Variants in SLC4A10 observed in about 807,000 individuals in gnomAD.
The protein encoded by SLC4A10 is solute carrier family 4 member 10.
SLC4A10 carries 42 observed loss-of-function variants against 137.7 expected under a neutral mutation model. That is an observed-to-expected ratio of 0.30 (90% CI 0.24 to 0.39). SLC4A10 has a LOEUF of 0.39. Among genes scored for constraint, SLC4A10 ranks in the 10% least tolerant of loss-of-function variants. The pLI, the probability that SLC4A10 is intolerant of heterozygous loss-of-function variation, is 1.00. For missense variants in SLC4A10, 925 were observed against 1,355.0 expected, an observed-to-expected ratio of 0.68 and a Z score of 4.98; for synonymous variants, 474 against 464.1, an observed-to-expected ratio of 1.02 and a Z score of -0.27.
At chr2:161,857,231 C>A (rs1371689765) in intron 5 of SLC4A10, among the ~76,000 whole-genome samples, 1 of 152,132 alleles carries the variant, frequency 6.6e-6, no homozygotes, top group Non-Finnish European at 1.5e-5. Flanking sequence ...TAAATCTAGC[C>A]TTTTCAAGCA....
At chr2:161,915,274 C>T (rs78948593) in intron 15 of SLC4A10, among the ~76,000 whole-genome samples, 7,980 of 152,132 alleles carry the variant, frequency 0.052, 316 homozygotes, top group African/African-American at 0.12. Context: ...TCTCCCCGTC[C>T]GCTAAGAGCT....
At chr2:161,789,896 A>G (rs969190088) in intron 2 of SLC4A10, among the ~76,000 whole-genome samples, 4 of 152,174 alleles carry the variant, frequency 2.6e-5, no homozygotes, top group Admixed American at 2.0e-4. Flanking sequence ...GACTGGATAT[A>G]AAGTTTAAAT....
intron 15 of SLC4A10, among the ~76,000 whole-genome samples, chr2:161,912,658 A>G (rs1401789099): frequency 6.6e-6 from 1 of 152,218 alleles, no homozygotes; most frequent in East Asian, 1.9e-4. Context: ...AGAAAAGGCT[A>G]CTACAAACCC....
rs554627361 is a variant in SLC4A10 at position 161,891,575 on chromosome 2, G to A, written c.1195-3104G>A. Among the ~76,000 whole-genome samples, 91 of 151,402 alleles carry A rather than the reference G, an allele frequency of 6.0e-4. 3 individuals are homozygous for A. In the South Asian group the frequency reaches 0.018, roughly 29 times the overall value. ...TTCACTCTCTAATATCCTTTCTTCC[G>A]CTTGATTGATTCAGCTATCAATACT... On this transcript the variant is annotated intron_variant, in intron 10 of 26. Transcript: ENST00000446997.
intron 1 of SLC4A10, among the ~76,000 whole-genome samples, chr2:161,687,886 C>G (rs1417001364): frequency 6.6e-6 from 1 of 152,120 alleles, no homozygotes; most frequent in African/African-American, 2.4e-5. Context: ...TGAGGCCTCC[C>G]CAGCCATGTG....
chr2:161,715,340 G>A (rs544783676), intron 1 of SLC4A10, among the ~76,000 whole-genome samples: 1 of 152,042 alleles, frequency 6.6e-6, no homozygotes, highest in East Asian at 1.9e-4. Context: ...GAAGAATTGT[G>A]ACTTTTATTT....
chr2:161,682,194 C>A (rs1480882970), intron 1 of SLC4A10, among the ~76,000 whole-genome samples: 1 of 151,930 alleles, frequency 6.6e-6, no homozygotes, highest in African/African-American at 2.4e-5. Flanking sequence ...ATTTTATATC[C>A]CCCTCTCGAA....
In SLC4A10 at chr2:161,895,164, T is replaced by G. The variant is rs1469818252; in HGVS notation, c.1341+339T>G. The stretch of plus-strand genomic sequence containing the variant: ...TATCTATGAGTGAGAACATGTGGTG[T>G]TTGGTTTTTTGCCCTTGCGATAGTT... On this transcript the variant is annotated intron_variant, in intron 11 of 26. Coordinates refer to ENST00000446997, the MANE Select transcript of SLC4A10 (RefSeq NM_001178015.2). 3.3e-5 allele frequency among the ~76,000 whole-genome samples: 5 copies of G among 151,266 alleles called. No homozygotes were observed. In the East Asian group the frequency reaches 9.8e-4, roughly 30 times the overall value.
chr2:161,836,697 G>C (rs2058841526), intron 3 of SLC4A10, among the ~76,000 whole-genome samples: 1 of 149,500 alleles, frequency 6.7e-6, no homozygotes, highest in Admixed American at 6.7e-5. Flanking sequence ...AGAAGCTCAG[G>C]GTTCCCACAG....
chr2:161,828,635 C>T (rs1180633809), intron 3 of SLC4A10, among the ~76,000 whole-genome samples: 1 of 145,978 alleles, frequency 6.9e-6, no homozygotes, highest in Non-Finnish European at 1.5e-5. Flanking sequence ...GGAATTTTTG[C>T]TTTTCTTCTC....
At chr2:161,922,256 T>C (rs1231985580) in intron 15 of SLC4A10, among the ~76,000 whole-genome samples, 2 of 152,122 alleles carry the variant, frequency 1.3e-5, no homozygotes, top group East Asian at 3.8e-4. Context: ...AAATTTTTAG[T>C]GTTAGCTAAT....
At chr2:161,741,071 A>C (rs1209584295) in intron 1 of SLC4A10, among the ~76,000 whole-genome samples, 2 of 152,040 alleles carry the variant, frequency 1.3e-5, no homozygotes, top group African/African-American at 2.4e-5. Flanking sequence ...CCAGGAGTTC[A>C]AGACCAGCCT....
intron 1 of SLC4A10, among the ~76,000 whole-genome samples, chr2:161,692,799 A>G (rs1277300012): frequency 6.6e-6 from 1 of 152,080 alleles, no homozygotes; most frequent in African/African-American, 2.4e-5. Context: ...AATTTTAACT[A>G]ACTCGTCCAA....
intron 1 of SLC4A10, among the ~76,000 whole-genome samples, chr2:161,689,965 A>T (rs1408499010): frequency 6.6e-6 from 1 of 152,180 alleles, no homozygotes; most frequent in Non-Finnish European, 1.5e-5. Flanking sequence ...TCTGAAGAAT[A>T]TAGTGGATTC....
intron 2 of SLC4A10, among the ~76,000 whole-genome samples, chr2:161,783,875 A>G (rs954064201): frequency 2.6e-5 from 4 of 151,922 alleles, no homozygotes; most frequent in East Asian, 1.9e-4. Flanking sequence ...AAAACAGTAC[A>G]TGACAATAAT....
chr2:161,806,842 A>C (rs1343597355), intron 3 of SLC4A10, among the ~76,000 whole-genome samples: 1 of 152,036 alleles, frequency 6.6e-6, no homozygotes, highest in Non-Finnish European at 1.5e-5. Context: ...TTCCAAAGTC[A>C]CTTCCACATT....
At chr2:161,658,226 C>T (rs1467394233) in intron 1 of SLC4A10, among the ~76,000 whole-genome samples, 1 of 152,110 alleles carries the variant, frequency 6.6e-6, no homozygotes, top group Non-Finnish European at 1.5e-5. Context: ...TAGCCTGAAT[C>T]CTTACTTTTT....
intron 15 of SLC4A10, among the ~76,000 whole-genome samples, chr2:161,926,005 G>A (rs200762106): frequency 6.6e-6 from 1 of 151,968 alleles, no homozygotes; most frequent in East Asian, 1.9e-4. Flanking sequence ...GTGTGGTGTG[G>A]TGCTGAAAAA....
At chr2:161,921,719 G>A (rs78352279) in intron 15 of SLC4A10, among the ~76,000 whole-genome samples, 8,173 of 152,178 alleles carry the variant, frequency 0.054, 344 homozygotes, top group African/African-American at 0.12. Flanking sequence ...GGCTCCAACA[G>A]GTTAAATAAT....
Sources: gnomAD v4.1 joint callset for allele counts (sites outside exome capture counted in the v4.1 genomes callset) on GRCh38, gnomAD v4.1.1 for gene constraint, MANE v1.5 for transcripts, NCBI Gene and HGNC (gene_info 2026-07-23, HGNC 2026-07-21) for gene names.